Variants in PDE10A observed in about 807,000 individuals in gnomAD.
PDE10A encodes the protein cAMP and cAMP-inhibited cGMP 3',5'-cyclic phosphodiesterase 10A.
A neutral mutation model predicts 97.7 loss-of-function variants in PDE10A; 39 were observed. The observed-to-expected ratio is 0.40, with a 90% CI of 0.31 to 0.52. The LOEUF is 0.52. Ranked by LOEUF, PDE10A falls within the 20% of genes least tolerant of loss-of-function variation. The pLI is 0.56. For missense variants in PDE10A, 731 were observed against 1,047.8 expected (o/e 0.70, Z 4.17); for synonymous variants, 371 against 376.8 (o/e 0.98, Z 0.18).
At chr6:165,874,947 G>A (rs767846574) in intron 1 of PDE10A, among the ~76,000 whole-genome samples, 11 of 152,114 alleles carry the variant, frequency 7.2e-5, no homozygotes, top group African/African-American at 1.4e-4. Flanking sequence ...CCAGTTATTC[G>A]TTCTAAGTTA....
Position 165,333,062 on chromosome 6 carries a change from G to C in PDE10A, c.3131C>G (p.Pro1044Arg). 1.9e-6 allele frequency: 3 copies of C among 1,612,814 alleles called. No homozygotes were observed. The highest frequency in any genetic ancestry group is 2.5e-6 in the Non-Finnish European group (3 of 1,178,948). ...TGCAGCTGCCTTCTGAGCCACGGAT[G>C]GGGATGAAATCCAGGTTGCAGTCTC... ...GEETATWISS[P>R]SVAQKAAASE... The change falls in exon 22 of 22, where the codon CCA becomes CGA. Residue 1044 changes from proline to arginine, a missense_variant. Around this residue, in one of 8 missense-constraint regions of PDE10A, gnomAD observed 34 missense variants for 29.7 expected, o/e 1.14. Transcript: ENST00000539869.
chr6:165,848,686 C>A (rs1233791470), intron 1 of PDE10A, among the ~76,000 whole-genome samples: 1 of 152,146 alleles, frequency 6.6e-6, no homozygotes, highest in Non-Finnish European at 1.5e-5. Context: ...GAACAATGGC[C>A]CCCCAAGGGT....
chr6:165,510,849 T>A (rs1781468382), intron 2 of PDE10A, among the ~76,000 whole-genome samples: 1 of 152,066 alleles, frequency 6.6e-6, no homozygotes, highest in Admixed American at 6.6e-5. Flanking sequence ...ATCTTTTGTA[T>A]TTCTGTGGTA....
chr6:165,652,260 T>C (rs1562660429), intron 1 of PDE10A, among the ~76,000 whole-genome samples: 1 of 152,116 alleles, frequency 6.6e-6, no homozygotes, highest in Non-Finnish European at 1.5e-5. Context: ...TTTGTTGTTG[T>C]TCATTTTGTC....
chr6:165,700,896 GT>G (rs1478085792), intron 1 of PDE10A, among the ~76,000 whole-genome samples: 1 of 152,202 alleles, frequency 6.6e-6, no homozygotes, highest in Non-Finnish European at 1.5e-5. Flanking sequence ...CATTTGAAGT[GT>G]TTATTGATGC....
chr6:165,428,901 T>C (rs1399033053), intron 9 of PDE10A, among the ~76,000 whole-genome samples, 192 bp from the exon 10 acceptor site: 1 of 152,078 alleles, frequency 6.6e-6, no homozygotes, highest in East Asian at 1.9e-4. Context: ...AATGAAACTT[T>C]ATGATTGACC....
At chr6:165,783,698 C>G (rs561264619) in intron 1 of PDE10A, among the ~76,000 whole-genome samples, 1 of 152,178 alleles carries the variant, frequency 6.6e-6, no homozygotes, top group Non-Finnish European at 1.5e-5. Flanking sequence ...CCTTACCAGC[C>G]GTTACTAGCC....
Position 165,953,539 on chromosome 6 carries a change from C to A in PDE10A, c.-615+33990G>T, listed in dbSNP as rs562409497. On this transcript the variant is annotated intron_variant, in intron 1 of 19. Transcript: ENST00000366882. ...CCAGGAAGCGGAGGTTGCACCAAGACGAGATTGTGCCACTGCACTCCAGCC... is the reference window on the plus strand; with the variant it reads ...CCAGGAAGCGGAGGTTGCACCAAGAAGAGATTGTGCCACTGCACTCCAGCC... 4.6e-5 allele frequency among the ~76,000 whole-genome samples: 7 copies of A among 151,384 alleles called. No homozygotes were observed. In the South Asian group the frequency reaches 1.3e-3, roughly 27 times the overall value.
chr6:165,649,886 G>A (rs147574807), intron 1 of PDE10A, among the ~76,000 whole-genome samples: 257 of 152,312 alleles, frequency 1.7e-3, no homozygotes, highest in African/African-American at 6.0e-3. Flanking sequence ...TGGTTTAAAC[G>A]ATAGTTCACA....
chr6:165,470,335 C>T lies in PDE10A; in HGVS notation c.1023+11980G>A, dbSNP rs369311590. Among the ~76,000 whole-genome samples, 23 of 152,316 alleles carry T rather than the reference C, an allele frequency of 1.5e-4. 1 individual carries two copies. Among genetic ancestry groups the T allele is most frequent in the South Asian group, 1.0e-3 (5 of 4,824 alleles). ...GTCTGATCTAATCCAGCCTTCTGTA[C>T]GGTCAACTGCACTTTTTGAACACTG... On this transcript the variant is annotated intron_variant, in intron 3 of 21. Transcript: ENST00000539869.
chr6:165,900,644 A>G (rs1403129148), intron 1 of PDE10A, among the ~76,000 whole-genome samples: 1 of 152,126 alleles, frequency 6.6e-6, no homozygotes, highest in Non-Finnish European at 1.5e-5. Flanking sequence ...GTAGTTGAAC[A>G]CCTTTCTTCC....
intron 1 of PDE10A, among the ~76,000 whole-genome samples, chr6:165,862,647 GAGTT>G (rs987405507): frequency 1.7e-4 from 26 of 151,112 alleles, no homozygotes; most frequent in African/African-American, 5.8e-4. Flanking sequence ...AAAGAACACT[GAGTT>G]AGAACCTCAA....
At chr6:165,507,231 T>G (rs578035309) in intron 2 of PDE10A, among the ~76,000 whole-genome samples, 1 of 152,176 alleles carries the variant, frequency 6.6e-6, no homozygotes, top group Non-Finnish European at 1.5e-5. Flanking sequence ...GTAGAAGTTA[T>G]TCTGAGGAGG....
At chr6:165,936,134 G>A (rs1783317865) in intron 1 of PDE10A, among the ~76,000 whole-genome samples, 1 of 152,240 alleles carries the variant, frequency 6.6e-6, no homozygotes, top group African/African-American at 2.4e-5. Context: ...GAGTGGGGAA[G>A]AGCAGGAATC....
intron 2 of PDE10A, among the ~76,000 whole-genome samples, chr6:165,502,471 AATG>A (rs796105668): frequency 1.3e-5 from 2 of 152,380 alleles, no homozygotes; most frequent in African/African-American, 2.4e-5. Context: ...ATTCTTCACA[AATG>A]ATGATGCAGA....
rs551576721 is a variant in PDE10A, at chr6:165,915,513, G to A, written c.-615+72016C>T. Among the ~76,000 whole-genome samples the A allele has an allele frequency of 7.9e-4, 120 of 152,266 alleles. 1 individual carries two copies. Among genetic ancestry groups the A allele is most frequent in the African/African-American group, 2.8e-3 (116 of 41,558 alleles). On this transcript the variant is annotated intron_variant, in intron 1 of 19. Coordinates refer to the PDE10A transcript ENST00000366882. Reference sequence around the variant, plus strand: ...GCCCACGGTCTCTCTGCACCAGAGAGGCAGTAACACAACAGGACAGGGGAA... The same window carrying A: ...GCCCACGGTCTCTCTGCACCAGAGAAGCAGTAACACAACAGGACAGGGGAA...
chr6:165,823,270 T>A (rs199862840), intron 1 of PDE10A, among the ~76,000 whole-genome samples: 18 of 124,422 alleles, frequency 1.4e-4, no homozygotes, highest in East Asian at 6.1e-4. Flanking sequence ...TAATTTTTTT[T>A]AAAAAAACTT....
chr6:165,473,489 G>C (rs58734879), intron 3 of PDE10A, among the ~76,000 whole-genome samples: 3 of 152,118 alleles, frequency 2.0e-5, no homozygotes, highest in Non-Finnish European at 4.4e-5. Flanking sequence ...AATAAGAAGA[G>C]AGTCCATGGA....
At chr6:165,825,299 GC>G (rs1344120323) in intron 1 of PDE10A, among the ~76,000 whole-genome samples, 1 of 152,134 alleles carries the variant, frequency 6.6e-6, no homozygotes, top group African/African-American at 2.4e-5. Flanking sequence ...GGAAGCCGAG[GC>G]CTGTGGTGGC....
Sources: gnomAD v4.1 joint callset for allele counts (sites outside exome capture counted in the v4.1 genomes callset) on GRCh38, gnomAD v4.1.1 for gene constraint, gnomAD v4.1.1 regional missense constraint, MANE v1.5 for transcripts, NCBI Gene and HGNC (gene_info 2026-07-23, HGNC 2026-07-21) for gene names.